Variants in EXOC6 observed in about 807,000 individuals in gnomAD.
EXOC6 encodes the protein SEC15-like 1.
EXOC6 carries 60 observed loss-of-function variants against 112.5 expected under a neutral mutation model. That is an observed-to-expected ratio of 0.53 (90% CI 0.43 to 0.66). The LOEUF (loss-of-function observed/expected upper bound fraction) is 0.66. Among genes scored for constraint, EXOC6 ranks in the 30% least tolerant of loss-of-function variants. The pLI is 0.00. For synonymous variants in EXOC6, 295 were observed against 308.0 expected, an observed-to-expected ratio of 0.96 and a Z score of 0.44; for missense variants, 855 against 957.1, an observed-to-expected ratio of 0.89 and a Z score of 1.41.
At chr10:92,987,742 T>G in intron 18 of EXOC6, 3 of 509,648 alleles carry the variant, frequency 5.9e-6, no homozygotes, top group Non-Finnish European at 7.6e-6. Flanking sequence ...AAAGGCTAAT[T>G]ACTTTGGCAA....
intron 20 of EXOC6, among the ~76,000 whole-genome samples, chr10:93,046,021 A>G (rs1324867572): frequency 6.6e-6 from 1 of 152,268 alleles, no homozygotes; most frequent in Non-Finnish European, 1.5e-5. Context: ...TTAGATGTCA[A>G]GTAAATGATA....
chr10:92,888,458 T>C (rs1849337588), intron 1 of EXOC6, among the ~76,000 whole-genome samples: 1 of 152,192 alleles, frequency 6.6e-6, no homozygotes. Flanking sequence ...GTTCTCTTCT[T>C]CCTGTTTATT....
intron 1 of EXOC6, among the ~76,000 whole-genome samples, chr10:92,852,244 A>G (rs767765638): frequency 3.3e-5 from 5 of 152,192 alleles, no homozygotes; most frequent in Non-Finnish European, 5.9e-5. Context: ...GCCTTCCCCA[A>G]AAGGAAACTC....
At chr10:93,040,253 C>A (rs550611612) in intron 20 of EXOC6, among the ~76,000 whole-genome samples, 6 of 152,106 alleles carry the variant, frequency 3.9e-5, no homozygotes, top group Non-Finnish European at 7.4e-5. Flanking sequence ...TCTGCTTTAT[C>A]CTTTTCTTTT....
At chr10:92,828,682 T>G (rs1488583461) in intron 1 of EXOC6, among the ~76,000 whole-genome samples, 1 of 93,964 alleles carries the variant, frequency 1.1e-5, no homozygotes, top group Non-Finnish European at 2.2e-5. Context: ...TTGCTGAGTT[T>G]TGTGTGTCTG....
intron 19 of EXOC6, among the ~76,000 whole-genome samples, chr10:93,012,402 C>G (rs1309122756): frequency 6.6e-6 from 1 of 152,052 alleles, no homozygotes; most frequent in Non-Finnish European, 1.5e-5. Context: ...CCATAACAGC[C>G]CCTGGGAATT....
chr10:92,896,622 C>G (rs1240381332), intron 4 of EXOC6, among the ~76,000 whole-genome samples: 1 of 151,844 alleles, frequency 6.6e-6, no homozygotes, highest in African/African-American at 2.4e-5. Context: ...GAGTCTCACT[C>G]TGTTGGCCAG....
At chr10:92,884,587 A>G (rs901125791) in intron 1 of EXOC6, among the ~76,000 whole-genome samples, 1 of 152,228 alleles carries the variant, frequency 6.6e-6, no homozygotes, top group Non-Finnish European at 1.5e-5. Context: ...AAACAATACT[A>G]TTCTAGCAAA....
At chr10:92,906,837 G>C (rs1280114119) in intron 5 of EXOC6, among the ~76,000 whole-genome samples, 1 of 152,100 alleles carries the variant, frequency 6.6e-6, no homozygotes, top group Non-Finnish European at 1.5e-5. Context: ...TCAGATCATA[G>C]GTGCTTTTTA....
At chr10:93,011,200 A>T in intron 19 of EXOC6, among the ~76,000 whole-genome samples, 1 of 148,536 alleles carries the variant, frequency 6.7e-6, no homozygotes. Context: ...ACCACTAGGG[A>T]TTTATGGTTT....
At chr10:92,827,474 CAAAAAAAAAAAAAAAAAAA>C (rs60863083) in intron 1 of EXOC6, among the ~76,000 whole-genome samples, 6 of 33,198 alleles carry the variant, frequency 1.8e-4, no homozygotes, top group Admixed American at 7.0e-4. Context: ...GCCCTGTTGC[CAAAAAAAAAAAAAAAAAAA>C]AAAAAAAAAA....
chr10:92,912,384 G>A (rs1282358739), intron 6 of EXOC6, among the ~76,000 whole-genome samples: 1 of 152,076 alleles, frequency 6.6e-6, no homozygotes, highest in Non-Finnish European at 1.5e-5. Context: ...ACAAGATAGT[G>A]AAAGCTGGGT....
chr10:92,989,190 G>C lies in EXOC6; in HGVS notation c.1954-8284G>C, dbSNP rs571748416. On this transcript the variant is annotated intron_variant, in intron 18 of 21. Coordinates refer to ENST00000260762, the MANE Select transcript of EXOC6 (RefSeq NM_019053.6). Reference sequence around the variant, plus strand: ...ACACAGTGTCTTACACAAAGTAGTTGCTTGATAAGTGTTTTGTTAAGTATG... The same window carrying C: ...ACACAGTGTCTTACACAAAGTAGTTCCTTGATAAGTGTTTTGTTAAGTATG... Among the ~76,000 whole-genome samples, 62 of 152,280 alleles carry C rather than the reference G, an allele frequency of 4.1e-4. 2 individuals are homozygous for C. The highest frequency in any genetic ancestry group is 3.7e-3 in the Admixed American group (57 of 15,288).
At chr10:92,911,351 A>G (rs527763910) in intron 6 of EXOC6, among the ~76,000 whole-genome samples, 2 of 152,284 alleles carry the variant, frequency 1.3e-5, no homozygotes, top group African/African-American at 4.8e-5. Flanking sequence ...AGTGTTTTCA[A>G]TACTATTTCT....
At chr10:93,015,623 C>T (rs1283210614) in intron 20 of EXOC6, among the ~76,000 whole-genome samples, 1 of 152,170 alleles carries the variant, frequency 6.6e-6, no homozygotes. Flanking sequence ...GTCCCAGCTA[C>T]TGGGGAGGCT....
chr10:92,881,736 C>T (rs1412335558), intron 1 of EXOC6, among the ~76,000 whole-genome samples: 1 of 152,056 alleles, frequency 6.6e-6, no homozygotes, highest in Non-Finnish European at 1.5e-5. Flanking sequence ...TCCCATAATC[C>T]CCAATAGTCA....
At chr10:92,935,200 A>C (rs1852276669) in intron 11 of EXOC6, among the ~76,000 whole-genome samples, 1 of 152,014 alleles carries the variant, frequency 6.6e-6, no homozygotes, top group Non-Finnish European at 1.5e-5. Context: ...CCAATGAACT[A>C]CAACTTTTCC....
chr10:92,839,977 A>G (rs1554878970), intron 1 of EXOC6, among the ~76,000 whole-genome samples: 1 of 152,190 alleles, frequency 6.6e-6, no homozygotes, highest in Non-Finnish European at 1.5e-5. Flanking sequence ...ATTGTTTTAC[A>G]CTTGTATTCA....
chr10:92,989,874 G>A (rs1843160911), intron 18 of EXOC6, among the ~76,000 whole-genome samples: 1 of 152,096 alleles, frequency 6.6e-6, no homozygotes, highest in Admixed American at 6.5e-5. Flanking sequence ...CTTGAATATC[G>A]AGTATTTTCA....
Sources: gnomAD v4.1 joint callset for allele counts (sites outside exome capture counted in the v4.1 genomes callset) on GRCh38, gnomAD v4.1.1 for gene constraint, MANE v1.5 for transcripts, NCBI Gene and HGNC (gene_info 2026-07-23, HGNC 2026-07-21) for gene names.